FILIP1L: variants seen among roughly 807,000 people sequenced by gnomAD.
The protein encoded by FILIP1L is filamin A interacting protein 1 like, also known as filamin A-interacting protein 1-like.
A neutral mutation model predicts 96.6 loss-of-function variants in FILIP1L; 55 were observed. That is an observed-to-expected ratio of 0.57 (90% CI 0.46 to 0.71). The LOEUF (loss-of-function observed/expected upper bound fraction) is 0.71. Ranked by LOEUF, FILIP1L falls within the 30% of genes least tolerant of loss-of-function variation. The probability of loss-of-function intolerance (pLI) is 0.00; values close to 1 mark genes in which losing one functional copy is unlikely to be tolerated. For missense variants in FILIP1L, 1,304 were observed against 1,321.2 expected (o/e 0.99, Z 0.20); for synonymous variants, 467 against 473.9 (o/e 0.99, Z 0.19).
chr3:100,026,078 T>C (rs1457128713), intron 1 of FILIP1L, among the ~76,000 whole-genome samples: 1 of 152,088 alleles, frequency 6.6e-6, no homozygotes, highest in Non-Finnish European at 1.5e-5. Flanking sequence ...AAAGAGGAGT[T>C]TTTTTCAAGA....
intron 1 of FILIP1L, among the ~76,000 whole-genome samples, chr3:99,996,007 C>G (rs930422823): frequency 1.3e-5 from 2 of 152,194 alleles, no homozygotes; most frequent in Admixed American, 1.3e-4. Flanking sequence ...CTCCTTGTTA[C>G]TTATGTAAAT....
intron 4 of FILIP1L, among the ~76,000 whole-genome samples, chr3:99,920,843 T>C (rs1707102715): frequency 6.6e-6 from 1 of 152,242 alleles, no homozygotes; most frequent in Non-Finnish European, 1.5e-5. Context: ...TATTACATCC[T>C]CTGAGGTCTC....
intron 1 of FILIP1L, among the ~76,000 whole-genome samples, chr3:100,057,111 G>A (rs1314116475): frequency 6.6e-6 from 1 of 152,216 alleles, no homozygotes; most frequent in African/African-American, 2.4e-5. Context: ...GGAAAGTCCT[G>A]GACCTGCAGT....
intron 4 of FILIP1L, among the ~76,000 whole-genome samples, chr3:99,890,883 T>G (rs973582048): frequency 6.6e-6 from 1 of 152,152 alleles, no homozygotes; most frequent in African/African-American, 2.4e-5. Context: ...TTATATGAAG[T>G]CACGTATCTC....
At chr3:99,968,948 C>T (rs1296736966) in intron 1 of FILIP1L, among the ~76,000 whole-genome samples, 1 of 136,606 alleles carries the variant, frequency 7.3e-6, no homozygotes, top group East Asian at 2.2e-4. Context: ...GGGGTGCAAC[C>T]CAGGTTCAAG....
chr3:100,008,402 A>G (rs1479447296), intron 1 of FILIP1L, among the ~76,000 whole-genome samples: 2 of 152,176 alleles, frequency 1.3e-5, no homozygotes, highest in African/African-American at 4.8e-5. Context: ...AGATTTTCAT[A>G]TGAGTTGCAG....
At chr3:99,855,781 G>A (rs1236319664) in intron 4 of FILIP1L, among the ~76,000 whole-genome samples, 4 of 152,106 alleles carry the variant, frequency 2.6e-5, no homozygotes, top group Non-Finnish European at 5.9e-5. Context: ...GAAAAACTAA[G>A]TACTCCTTTT....
chr3:99,952,991 A>C (rs1021919219), intron 1 of FILIP1L, among the ~76,000 whole-genome samples: 1 of 152,170 alleles, frequency 6.6e-6, no homozygotes, highest in Non-Finnish European at 1.5e-5. Flanking sequence ...CACTGAACTG[A>C]GTGGTCTCTG....
At chr3:99,997,553 A>C (rs1709719227) in intron 1 of FILIP1L, among the ~76,000 whole-genome samples, 2 of 152,186 alleles carry the variant, frequency 1.3e-5, no homozygotes, top group South Asian at 4.1e-4. Flanking sequence ...ATTTTGCCAG[A>C]GCCTGACTCA....
chr3:100,004,062 C>T (rs909507959), intron 1 of FILIP1L, among the ~76,000 whole-genome samples: 12 of 152,164 alleles, frequency 7.9e-5, no homozygotes, highest in South Asian at 2.1e-4. Context: ...AGATGGTTAC[C>T]AAAACTGGAG....
At chr3:100,043,335 C>A (rs2065234238) in intron 1 of FILIP1L, among the ~76,000 whole-genome samples, 2 of 152,194 alleles carry the variant, frequency 1.3e-5, no homozygotes, top group African/African-American at 4.8e-5. Flanking sequence ...TTGAAAGTCT[C>A]TCTGTCTCTG....
rs759405028 is a variant in FILIP1L, at chr3:99,829,434, A to T, written c.*980T>A. On this transcript the variant is annotated 3_prime_UTR_variant, in exon 6 of 6. Coordinates refer to ENST00000477258, the MANE Select transcript of FILIP1L (RefSeq NM_001387850.1). ...CAGGGGACTGTGTCTACCCTTATAG[A>T]TGACTGTTTGAATTCAACATTTTGT... Among the ~76,000 whole-genome samples the T allele has an allele frequency of 1.3e-5, 2 of 152,158 alleles. No homozygotes were observed. Among genetic ancestry groups the T allele is most frequent in the Non-Finnish European group, 2.9e-5 (2 of 68,030 alleles).
chr3:99,930,845 C>T lies in FILIP1L; in HGVS notation c.176G>A (p.Gly59Asp), dbSNP rs1226959309. The T allele has an allele frequency of 6.2e-7, 1 of 1,612,844 alleles. No homozygotes were observed. The highest frequency in any genetic ancestry group is 8.5e-7 in the Non-Finnish European group (1 of 1,179,698). Residue 59 changes from glycine to aspartate, a missense_variant, in exon 2 of 6, where the codon GGT becomes GAT. Transcript: ENST00000477258. ...GAGGTCTTCTGCTTGGTGGCCATTA[C>T]CACTGTGTGGCTTCTCTGCCTTGGG... ...PCPKAEKPHS[G>D]NGHQAEDLSR... is the part of the protein sequence containing the mutation.
intron 1 of FILIP1L, among the ~76,000 whole-genome samples, chr3:100,021,960 T>TGTGAGAGAGA (rs1321185364): frequency 1.4e-4 from 13 of 93,326 alleles, no homozygotes; most frequent in African/African-American, 3.6e-4. Context: ...TGTGTGTGTG[T>TGTGAGAGAGA]GAGAGAGAGA....
intron 4 of FILIP1L, among the ~76,000 whole-genome samples, chr3:99,871,112 C>G (rs975622151): frequency 6.6e-6 from 1 of 152,172 alleles, no homozygotes; most frequent in African/African-American, 2.4e-5. Flanking sequence ...CCATACAAAG[C>G]AGATTTCACT....
At chr3:100,100,204 G>A (rs2066280656) in intron 1 of FILIP1L, among the ~76,000 whole-genome samples, 1 of 152,124 alleles carries the variant, frequency 6.6e-6, no homozygotes, top group African/African-American at 2.4e-5. Context: ...GGCACAAGTA[G>A]CCTTCTCCTG....
chr3:100,054,486 TGTTTTGTTA>T (rs2065427668), intron 1 of FILIP1L, among the ~76,000 whole-genome samples: 3 of 140,762 alleles, frequency 2.1e-5, no homozygotes, highest in Non-Finnish European at 4.6e-5. Flanking sequence ...TATTATGTTA[TGTTTTGTTA>T]TGTTATGTTA....
chr3:99,846,223 C>T (rs1163071675), intron 5 of FILIP1L, among the ~76,000 whole-genome samples: 1 of 152,200 alleles, frequency 6.6e-6, no homozygotes, highest in African/African-American at 2.4e-5. Flanking sequence ...GGCTGGTTAT[C>T]TCTGCCTCTT....
At chr3:100,111,480 G>A (rs533684162) in intron 1 of FILIP1L, among the ~76,000 whole-genome samples, 8 of 152,268 alleles carry the variant, frequency 5.3e-5, no homozygotes, top group Non-Finnish European at 5.9e-5. Context: ...GGTCAAGTGC[G>A]TAATTGATAT....
Sources: allele counts gnomAD v4.1 joint callset (sites outside exome capture counted in the v4.1 genomes callset), GRCh38; gene constraint gnomAD v4.1.1; transcripts MANE v1.5; gene names NCBI Gene and HGNC (gene_info 2026-07-23, HGNC 2026-07-21).